CDC42SE2: variants seen among roughly 807,000 people sequenced by gnomAD.
CDC42SE2 encodes the protein CDC42 small effector protein 2.
Under a neutral mutation model 11.5 loss-of-function variants are expected in CDC42SE2, and 3 were observed. The ratio of observed to expected loss-of-function variants is 0.26; its 90% confidence interval spans 0.12 to 0.67. The LOEUF (loss-of-function observed/expected upper bound fraction) is 0.67. Among genes scored for constraint, CDC42SE2 ranks in the 30% least tolerant of loss-of-function variants. The pLI, the probability that CDC42SE2 is intolerant of heterozygous loss-of-function variation, is 0.80. For missense variants in CDC42SE2, 82 were observed against 106.8 expected (o/e 0.77, Z 1.02); for synonymous variants, 33 against 34.8 (o/e 0.95, Z 0.18).
intron 1 of CDC42SE2, among the ~76,000 whole-genome samples, chr5:131,273,923 A>G (rs945711944): frequency 6.6e-6 from 1 of 151,954 alleles, no homozygotes. Context: ...GACCACAGGT[A>G]TGTGCCACCA....
chr5:131,386,384 T>C (rs1750487416), intron 4 of CDC42SE2, among the ~76,000 whole-genome samples: 2 of 152,238 alleles, frequency 1.3e-5, no homozygotes, highest in African/African-American at 4.8e-5. Flanking sequence ...TTATAAACTA[T>C]TCATCTTTAC....
At chr5:131,243,478 C>T (rs749957375), upstream of CDC42SE2, among the ~76,000 whole-genome samples, 54 of 152,010 alleles carry the variant, frequency 3.6e-4, no homozygotes, top group Non-Finnish European at 6.0e-4. Context: ...CCCAGCTACT[C>T]GGGAGGCTAA....
intron 2 of CDC42SE2, among the ~76,000 whole-genome samples, chr5:131,332,420 A>G (rs1025978151): frequency 2.6e-5 from 4 of 152,220 alleles, no homozygotes; most frequent in Non-Finnish European, 4.4e-5. Flanking sequence ...TAGTGCCACA[A>G]TAAACATACA....
chr5:131,293,954 T>C (rs1443551997), intron 1 of CDC42SE2, among the ~76,000 whole-genome samples: 1 of 152,194 alleles, frequency 6.6e-6, no homozygotes, highest in African/African-American at 2.4e-5. Context: ...ATGTATTGGC[T>C]GCTTTAAGAT....
chr5:131,350,307 A>G (rs1312035727), intron 2 of CDC42SE2, among the ~76,000 whole-genome samples: 1 of 151,920 alleles, frequency 6.6e-6, no homozygotes, highest in African/African-American at 2.4e-5. Flanking sequence ...ATAATTCATA[A>G]TGATTTTCAT....
intron 1 of CDC42SE2, among the ~76,000 whole-genome samples, chr5:131,310,863 A>C (rs1757891663): frequency 6.6e-6 from 1 of 151,990 alleles, no homozygotes; most frequent in African/African-American, 2.4e-5. Context: ...GGTTTCCTGA[A>C]TACAGCACAC....
At chr5:131,379,849 T>C (rs781354462) in intron 3 of CDC42SE2, among the ~76,000 whole-genome samples, 35 of 152,232 alleles carry the variant, frequency 2.3e-4, no homozygotes, top group Non-Finnish European at 4.4e-4. Context: ...CAGAGCAGAG[T>C]GCACCATTTC....
intron 3 of CDC42SE2, among the ~76,000 whole-genome samples, chr5:131,379,691 C>G (rs1750262146): frequency 6.6e-6 from 1 of 152,128 alleles, no homozygotes; most frequent in Admixed American, 6.5e-5. Flanking sequence ...ATTTGGGTCT[C>G]TAGTCCTTCA....
At chr5:131,390,951 C>G (rs1338254052) in intron 4 of CDC42SE2, 42 bp from the exon 5 acceptor site, 2 of 1,394,080 alleles carry the variant, frequency 1.4e-6, no homozygotes, top group Non-Finnish European at 2.0e-6. Context: ...GACCTACTTC[C>G]TGACTTCCAT....
the CDC42SE2 span, among the ~76,000 whole-genome samples, chr5:131,235,394 A>T: frequency 6.7e-6 from 1 of 149,968 alleles, no homozygotes; most frequent in Non-Finnish European, 1.5e-5. Context: ...GGTTCAAGTG[A>T]TTCTCCTGCC....
intron 1 of CDC42SE2, among the ~76,000 whole-genome samples, chr5:131,273,566 C>T (rs1487139960): frequency 6.6e-6 from 1 of 150,460 alleles, no homozygotes; most frequent in Non-Finnish European, 1.5e-5. Context: ...GTCAGGAGAT[C>T]GAGACCATCC....
chr5:131,382,917 A>G (rs945385537), intron 3 of CDC42SE2, among the ~76,000 whole-genome samples: 4 of 152,218 alleles, frequency 2.6e-5, no homozygotes, highest in African/African-American at 9.7e-5. Flanking sequence ...GTAATAATAT[A>G]TTATTAAGAA....
chr5:131,249,347 G>A (rs1156768880), intron 1 of CDC42SE2, among the ~76,000 whole-genome samples: 3 of 152,140 alleles, frequency 2.0e-5, no homozygotes, highest in African/African-American at 2.4e-5. Flanking sequence ...ATCAGGGAGA[G>A]AGGATTTGTC....
intron 1 of CDC42SE2, among the ~76,000 whole-genome samples, chr5:131,274,730 C>T (rs1307166981): frequency 6.6e-6 from 1 of 152,136 alleles, no homozygotes; most frequent in East Asian, 1.9e-4. Flanking sequence ...CCAGTTTCTC[C>T]TTGGCTTCTT....
rs139620116 is a variant in CDC42SE2, at chr5:131,334,944, G to A, written c.-286+18800G>A. Among the ~76,000 whole-genome samples the A allele has an allele frequency of 5.7e-3, 865 of 152,146 alleles. 15 individuals are homozygous for A. The highest frequency in any genetic ancestry group is 0.019 in the African/African-American group (774 of 41,510). On this transcript the variant is annotated intron_variant, in intron 2 of 4. Coordinates refer to ENST00000505065, the MANE Select transcript of CDC42SE2 (RefSeq NM_001375635.1). The stretch of plus-strand genomic sequence containing the variant: ...TCCTGGATTCATTGATTTTTTGAAG[G>A]CTTTTTTGTGTCTTTGTTTCCTTCA...
chr5:131,323,860 T>G (rs1195138799), intron 2 of CDC42SE2, among the ~76,000 whole-genome samples: 1 of 152,214 alleles, frequency 6.6e-6, no homozygotes, highest in East Asian at 1.9e-4. Context: ...AAGATGAATT[T>G]AATCATAAAT....
At chr5:131,282,443 T>C (rs1757255293) in intron 1 of CDC42SE2, among the ~76,000 whole-genome samples, 1 of 152,156 alleles carries the variant, frequency 6.6e-6, no homozygotes, top group African/African-American at 2.4e-5. Flanking sequence ...GTACTAAATA[T>C]GTTGTTGGAG....
chr5:131,290,500 T>TAGA (rs1757435855), intron 1 of CDC42SE2, among the ~76,000 whole-genome samples: 1 of 148,614 alleles, frequency 6.7e-6, no homozygotes, highest in Non-Finnish European at 1.5e-5. Context: ...TTTTTTTTTT[T>TAGA]GAGACAGGGT....
chr5:131,329,022 G>A (rs540460264), intron 2 of CDC42SE2, among the ~76,000 whole-genome samples: 1 of 152,338 alleles, frequency 6.6e-6, no homozygotes, highest in Admixed American at 6.5e-5. Flanking sequence ...CAAGGTGGGG[G>A]CACAGAGAGG....
Sources: allele counts gnomAD v4.1 joint callset (sites outside exome capture counted in the v4.1 genomes callset), GRCh38; gene constraint gnomAD v4.1.1; transcripts MANE v1.5; gene names NCBI Gene and HGNC (gene_info 2026-07-23, HGNC 2026-07-21).